Variants in LRRC4C observed in about 807,000 individuals in gnomAD.
The protein encoded by LRRC4C is leucine rich repeat containing 4C.
A neutral mutation model predicts 33.6 loss-of-function variants in LRRC4C; 5 were observed. That is an observed-to-expected ratio of 0.15 (90% CI 0.08 to 0.31). The LOEUF is 0.31. LRRC4C is among the 10% of genes least tolerant of loss of function. LRRC4C has a pLI of 1.00. For missense variants in LRRC4C, 560 were observed against 796.7 expected (o/e 0.70, Z 3.58); for synonymous variants, 329 against 302.0 (o/e 1.09, Z -0.93).
chr11:40,430,818 A>G (rs1417221096), intron 3 of LRRC4C, among the ~76,000 whole-genome samples: 1 of 151,630 alleles, frequency 6.6e-6, no homozygotes, highest in Non-Finnish European at 1.5e-5. Context: ...GAAATTGGAA[A>G]TCATCATTCT....
At chr11:40,925,432 C>G (rs1230386932) in intron 2 of LRRC4C, among the ~76,000 whole-genome samples, 1 of 152,164 alleles carries the variant, frequency 6.6e-6, no homozygotes, top group Non-Finnish European at 1.5e-5. Flanking sequence ...GTATCTGCTA[C>G]CTCAGCCTGA....
chr11:40,390,145 C>T (rs893050171), intron 3 of LRRC4C, among the ~76,000 whole-genome samples: 21 of 152,202 alleles, frequency 1.4e-4, no homozygotes, highest in African/African-American at 5.1e-4. Flanking sequence ...AACACATCAG[C>T]TCCTGCCATG....
At chr11:40,517,656 G>A (rs1298151862) in intron 3 of LRRC4C, among the ~76,000 whole-genome samples, 3 of 151,808 alleles carry the variant, frequency 2.0e-5, no homozygotes, top group South Asian at 2.1e-4. Flanking sequence ...AATCAACATC[G>A]TGAAAATGGC....
chr11:41,129,458 C>T (rs183949699), intron 1 of LRRC4C, among the ~76,000 whole-genome samples: 362 of 151,982 alleles, frequency 2.4e-3, no homozygotes, highest in African/African-American at 8.3e-3. Context: ...TTTTTCAGCA[C>T]ACCTACCTTT....
At chr11:40,647,554 C>A (rs1156986872) in intron 3 of LRRC4C, among the ~76,000 whole-genome samples, 1 of 152,200 alleles carries the variant, frequency 6.6e-6, no homozygotes, top group African/African-American at 2.4e-5. Context: ...GACTTTCATT[C>A]TTCCCCACTG....
intron 3 of LRRC4C, among the ~76,000 whole-genome samples, chr11:40,533,721 C>T (rs763134713): frequency 2.0e-5 from 3 of 152,086 alleles, no homozygotes; most frequent in Admixed American, 2.0e-4. Context: ...ATTTGGGACA[C>T]AGGACAGGAT....
chr11:40,741,458 C>T (rs1369762962), intron 2 of LRRC4C, among the ~76,000 whole-genome samples: 1 of 152,130 alleles, frequency 6.6e-6, no homozygotes, highest in Non-Finnish European at 1.5e-5. Context: ...ACAACTACCC[C>T]ATAATGCAAG....
At chr11:41,237,686 A>C (rs1948081424) in intron 1 of LRRC4C, among the ~76,000 whole-genome samples, 1 of 152,154 alleles carries the variant, frequency 6.6e-6, no homozygotes, top group African/African-American at 2.4e-5. Flanking sequence ...TATCATTTTG[A>C]GTAATGCTGA....
At chr11:40,962,600 G>C (rs1046558236) in intron 1 of LRRC4C, among the ~76,000 whole-genome samples, 8 of 151,670 alleles carry the variant, frequency 5.3e-5, no homozygotes, top group African/African-American at 1.9e-4. Context: ...TTTCACAAGC[G>C]AATCTTTGTT....
At chr11:40,651,054 G>A (rs951960045) in intron 2 of LRRC4C, among the ~76,000 whole-genome samples, 1 of 152,132 alleles carries the variant, frequency 6.6e-6, no homozygotes, top group Non-Finnish European at 1.5e-5. Flanking sequence ...TGCCAGTCAG[G>A]TAAGTCTGAC....
In LRRC4C at chr11:40,302,947, A is replaced by T. The variant is rs1281643701; in HGVS notation, c.-176+16681T>A. 2.6e-5 allele frequency among the ~76,000 whole-genome samples: 4 copies of T among 152,316 alleles called. No homozygotes were observed. In the South Asian group the frequency reaches 8.3e-4, roughly 32 times the overall value. On this transcript the variant is annotated intron_variant, in intron 4 of 6. Coordinates refer to ENST00000528697, the MANE Select transcript of LRRC4C (RefSeq NM_001258419.2). ...GCAAATACTTTAAGGCTGGAACTTAAGGGAAATGTGTGGCAGGGAAGAAGA... is the reference window on the plus strand; with the variant it reads ...GCAAATACTTTAAGGCTGGAACTTATGGGAAATGTGTGGCAGGGAAGAAGA...
At chr11:41,057,339 T>C (rs1006388704) in intron 1 of LRRC4C, among the ~76,000 whole-genome samples, 1 of 152,076 alleles carries the variant, frequency 6.6e-6, no homozygotes, top group African/African-American at 2.4e-5. Context: ...CTGATAAGCA[T>C]AGGAGGGAAG....
chr11:40,964,203 C>T (rs1010181075), intron 1 of LRRC4C, among the ~76,000 whole-genome samples: 21 of 151,534 alleles, frequency 1.4e-4, no homozygotes, highest in African/African-American at 4.4e-4. Context: ...TGATGCATGG[C>T]CAAGACACCT....
intron 1 of LRRC4C, among the ~76,000 whole-genome samples, chr11:41,384,863 T>C (rs1022871617): frequency 4.7e-5 from 7 of 149,210 alleles, no homozygotes; most frequent in Admixed American, 6.6e-5. Flanking sequence ...TCAGTTTGTA[T>C]AGTATACTGA....
intron 1 of LRRC4C, among the ~76,000 whole-genome samples, chr11:41,399,332 T>C (rs925764728): frequency 1.7e-4 from 26 of 151,984 alleles, no homozygotes; most frequent in African/African-American, 6.3e-4. Context: ...GTTAGAAGTA[T>C]GTTCATTTTC....
intron 3 of LRRC4C, among the ~76,000 whole-genome samples, chr11:40,374,279 C>T (rs1306415217): frequency 1.3e-5 from 2 of 152,070 alleles, no homozygotes; most frequent in African/African-American, 2.4e-5. Context: ...TTTTACCTTC[C>T]CTGATCCTCC....
Position 40,277,381 on chromosome 11 carries a change from G to C in LRRC4C, c.-175-35783C>G, listed in dbSNP as rs146195967. On this transcript the variant is annotated intron_variant, in intron 4 of 6. Coordinates refer to ENST00000528697, the MANE Select transcript of LRRC4C (RefSeq NM_001258419.2). ...TTACTTTCAAATATCCAGAGTTGTG[G>C]CTGGGTAGCTGCCCTGGCCAAACTA... Among the ~76,000 whole-genome samples, 720 of 152,192 alleles carry C rather than the reference G, an allele frequency of 4.7e-3. 9 individuals carry two copies. Among genetic ancestry groups the C allele is most frequent in the African/African-American group, 0.017 (691 of 41,530 alleles).
chr11:40,623,721 C>T (rs146003277), intron 3 of LRRC4C, among the ~76,000 whole-genome samples: 14 of 152,182 alleles, frequency 9.2e-5, no homozygotes, highest in African/African-American at 3.4e-4. Context: ...GCATGAATAA[C>T]ATACAAATGT....
chr11:40,499,225 G>A lies in LRRC4C; in HGVS notation c.-270+148917C>T, dbSNP rs1056730388. Among the ~76,000 whole-genome samples the A allele has an allele frequency of 5.3e-5, 8 of 152,138 alleles. 1 individual carries two copies. Among genetic ancestry groups the A allele is most frequent in the Admixed American group, 5.2e-4 (8 of 15,272 alleles). Reference sequence around the variant, plus strand: ...CTGACAGCTCTTAGGTGAACAGCATGTCTCGGCTGTGCTGTCCAAAGAAAT... The same window carrying A: ...CTGACAGCTCTTAGGTGAACAGCATATCTCGGCTGTGCTGTCCAAAGAAAT... On this transcript the variant is annotated intron_variant, in intron 3 of 6. Transcript: ENST00000528697.
Sources: allele counts gnomAD v4.1 joint callset (sites outside exome capture counted in the v4.1 genomes callset), GRCh38; gene constraint gnomAD v4.1.1; transcripts MANE v1.5; gene names NCBI Gene and HGNC (gene_info 2026-07-23, HGNC 2026-07-21).